The following SEC24C variants were observed in gnomAD, a reference collection of about 807,000 sequenced individuals.
SEC24C encodes the protein SEC24 homolog C, COPII component.
Under a neutral mutation model 117.0 loss-of-function variants are expected in SEC24C, and 22 were observed. That is an observed-to-expected ratio of 0.19 (90% confidence interval 0.13 to 0.27). The LOEUF (loss-of-function observed/expected upper bound fraction) is 0.27. Ranked by LOEUF, SEC24C falls within the 10% of genes least tolerant of loss-of-function variation. SEC24C has a pLI of 1.00. For missense variants in SEC24C, 1,155 were observed against 1,375.1 expected (o/e 0.84, Z 2.53); for synonymous variants, 506 against 529.4 (o/e 0.96, Z 0.61).
chr10:73,754,888 CT>C (rs1290961407), intron 3 of SEC24C, among the ~76,000 whole-genome samples: 2 of 152,102 alleles, frequency 1.3e-5, no homozygotes, highest in Non-Finnish European at 2.9e-5. Flanking sequence ...AATCCCAGCA[CT>C]TTGGGAGGCT....
chr10:73,757,884 G>A (rs2082734206), intron 3 of SEC24C, among the ~76,000 whole-genome samples: 1 of 116,048 alleles, frequency 8.6e-6, no homozygotes, highest in African/African-American at 3.4e-5. Flanking sequence ...GAGTGCCATT[G>A]TACTCCAGCC....
chr10:73,769,712 T>C lies in SEC24C; in HGVS notation c.2661T>C (p.Ala887=), dbSNP rs770413895. ...QILACYRKNC[A]SPSSAGQLIL... ...TGGCCTGTTACAGAAAGAACTGTGC[T>C]AGCCCCTCCTCTGCAGGACAGGTGG... The change falls in exon 19 of 23, where the codon GCT becomes GCC. Residue 887 remains alanine (A), a synonymous_variant. Coordinates refer to ENST00000345254, the MANE Select transcript of SEC24C (RefSeq NM_198597.3). This position sits in a 1 kb window ranked among gnomAD's most constrained non-coding sequence, Gnocchi z 4.5. 6.2e-7 allele frequency: 1 copy of C among 1,614,216 alleles called. No homozygotes were observed. The highest frequency in any genetic ancestry group is 8.5e-7 in the Non-Finnish European group (1 of 1,180,022).
Position 73,771,553 on chromosome 10 carries a change from T to C in SEC24C, c.*458T>C, listed in dbSNP as rs918398276. On this transcript the variant is annotated 3_prime_UTR_variant, in exon 23 of 23. Coordinates refer to ENST00000345254, the MANE Select transcript of SEC24C (RefSeq NM_198597.3). ...ACATATAGGTGCACAAGAGCTGGGG[T>C]ATAGCCCATAGGTGGTGGAGAGAAA... 5 of 165,406 alleles carry C rather than the reference T, an allele frequency of 3.0e-5. No individual in the cohort carries two copies. The highest frequency in any genetic ancestry group is 5.3e-5 in the Non-Finnish European group (4 of 75,564). The allele number at this position is 165,406 out of a possible 1,614,324, so 10.2% of individuals were successfully genotyped here.
At chr10:73,763,770 G>A in intron 7 of SEC24C, 86 bp from the exon 8 acceptor site, 2 of 1,420,466 alleles carry the variant, frequency 1.4e-6, no homozygotes, top group Non-Finnish European at 1.9e-6. Context: ...CTAGCTTTGT[G>A]GAGTTGATGG....
In SEC24C at chr10:73,766,503, C is replaced by T. The variant is rs553896454; in HGVS notation, c.1761C>T (p.Phe587=). 6.2e-7 allele frequency: 1 copy of T among 1,612,936 alleles called. No individual in the cohort carries two copies. The highest frequency in any genetic ancestry group is 1.3e-5 in the African/African-American group (1 of 75,032). Residue 587 remains phenylalanine (F), a synonymous_variant, in exon 12 of 23, where the codon TTC becomes TTT. Transcript: ENST00000345254. ...ADMFVPLLDG[F]LVNVNESRAV... Reference sequence around the variant, plus strand: ...TGTTTGTGCCACTGCTGGATGGCTTCCTGGTCAACGTCAATGAGTCTCGGG... The same window carrying T: ...TGTTTGTGCCACTGCTGGATGGCTTTCTGGTCAACGTCAATGAGTCTCGGG...
chr10:73,763,793 A>G lies in SEC24C; in HGVS notation c.1100-63A>G, dbSNP rs762495686. On this transcript the variant is annotated intron_variant, in intron 7 of 22. Transcript: ENST00000345254. ...GTGGAGTTGATGGTGTGGATCACCA[A>G]TGGAGAGCTGGTGTCTGGAAGGATT... The G allele has an allele frequency of 6.4e-6, 10 of 1,571,554 alleles. No individual in the cohort carries two copies. The East Asian group carries it at 9.1e-5, about 14-fold the overall frequency.
chr10:73,765,833 C>T lies in SEC24C; in HGVS notation c.1400C>T (p.Thr467Ile). 1 of 1,614,080 alleles carries T rather than the reference C, an allele frequency of 6.2e-7. No homozygotes were observed. Among genetic ancestry groups the T allele is most frequent in the Non-Finnish European group, 8.5e-7 (1 of 1,179,988 alleles). The change falls in exon 10 of 23, where the codon ACC becomes ATC. Residue 467 changes from threonine (T) to isoleucine (I), a missense_variant. Coordinates refer to ENST00000345254, the MANE Select transcript of SEC24C (RefSeq NM_198597.3). The stretch of plus-strand genomic sequence containing the variant: ...CAGTATTTTCAGCACCTGGATCATA[C>T]CGGCAAACGTGTGGATGCTTATGAC... ...PPQYFQHLDHTGKRVDAYDRP... is the reference protein window; with the variant it reads ...PPQYFQHLDHIGKRVDAYDRP...
At chr10:73,768,968 G>C (rs970531427) in intron 16 of SEC24C, 39 bp from the exon 17 acceptor site, 1 of 1,614,116 alleles carries the variant, frequency 6.2e-7, no homozygotes, top group Admixed American at 1.7e-5. Flanking sequence ...TGTGGCACTT[G>C]TCATACTTTT....
intron 8 of SEC24C, among the ~76,000 whole-genome samples, chr10:73,764,938 G>A (rs1435621133): frequency 1.3e-5 from 2 of 152,298 alleles, no homozygotes; most frequent in African/African-American, 2.4e-5. Context: ...TTTCTATCTG[G>A]GTCCCATTGG....
intron 20 of SEC24C, 119 bp from the exon 21 acceptor site, chr10:73,770,161 C>A: frequency 8.0e-7 from 1 of 1,249,062 alleles, no homozygotes; most frequent in Non-Finnish European, 1.1e-6. Flanking sequence ...GAGAGAGTTA[C>A]TGAGACCCCA....
At chr10:73,764,835 T>C (rs2082856133) in intron 8 of SEC24C, among the ~76,000 whole-genome samples, 4 of 152,338 alleles carry the variant, frequency 2.6e-5, no homozygotes, top group Middle Eastern at 3.4e-3. Context: ...TATTCAGCCT[T>C]GCTTATCTTA....
At chr10:73,750,407 T>C (rs1265668814) in intron 2 of SEC24C, among the ~76,000 whole-genome samples, 1 of 152,212 alleles carries the variant, frequency 6.6e-6, no homozygotes, top group Non-Finnish European at 1.5e-5. Context: ...CTAAGGGTAG[T>C]GTAAGTAGCT....
intron 15 of SEC24C, among the ~76,000 whole-genome samples, chr10:73,768,253 G>C (rs1050145432): frequency 3.3e-5 from 5 of 152,240 alleles, no homozygotes; most frequent in African/African-American, 1.2e-4. Context: ...GTGTGGTGGC[G>C]GGCGCCTGTA....
chr10:73,764,490 C>T (rs907047065), intron 8 of SEC24C, among the ~76,000 whole-genome samples: 4 of 149,888 alleles, frequency 2.7e-5, no homozygotes, highest in Non-Finnish European at 5.9e-5. Flanking sequence ...CACCACTGCA[C>T]TCCAGCCTGG....
At chr10:73,763,075 GCT>G (rs2082821753) in intron 6 of SEC24C, among the ~76,000 whole-genome samples, 1 of 152,150 alleles carries the variant, frequency 6.6e-6, no homozygotes, top group South Asian at 2.1e-4. Context: ...CTGTTTTCCT[GCT>G]CTGACTCAGA....
At chr10:73,746,193 T>TA (rs2082550414) in intron 1 of SEC24C, among the ~76,000 whole-genome samples, 1 of 151,478 alleles carries the variant, frequency 6.6e-6, no homozygotes. Context: ...CCTTCAGTTT[T>TA]AAGGTCCATA....
At position 73,746,939 on chromosome 10, in the gene SEC24C, C is replaced by T; in HGVS notation, c.107C>T (p.Ala36Val). 1 of 1,614,068 alleles carries T rather than the reference C, an allele frequency of 6.2e-7. No individual in the cohort carries two copies. The change falls in exon 2 of 23, where the codon GCC (alanine) becomes GTC (valine). Residue 36 changes from alanine (A) to valine (V), a missense_variant. This residue lies in a region of SEC24C where 396 missense variants were observed against 382.8 expected (regional missense o/e 1.03). Transcript: ENST00000345254. ...SSYGGQSGST[A>V]PAIPYGAYNG... ...TATGGTGGGCAATCAGGGTCCACAG[C>T]CCCCGCCATTCCCTATGGAGCCTAC... is the stretch of plus-strand genomic sequence containing the variant.
chr10:73,770,521 A>C (rs773385130), intron 21 of SEC24C, 50 bp downstream of exon 21: 9 of 1,599,624 alleles, frequency 5.6e-6, no homozygotes, highest in South Asian at 5.5e-5. Context: ...ATACTTTGTG[A>C]AACAATTGGG....
chr10:73,756,651 A>G (rs980895758), intron 3 of SEC24C, among the ~76,000 whole-genome samples: 10 of 151,756 alleles, frequency 6.6e-5, no homozygotes, highest in Non-Finnish European at 1.5e-4. Context: ...CCCAGGTTGG[A>G]GTGCAATAGC....
Sources: allele counts gnomAD v4.1 joint callset (sites outside exome capture counted in the v4.1 genomes callset), GRCh38; gene constraint gnomAD v4.1.1; regional missense constraint gnomAD v4.1.1; non-coding constraint Gnocchi (gnomAD v3.1); transcripts MANE v1.5; gene names NCBI Gene and HGNC (gene_info 2026-07-23, HGNC 2026-07-21).